The following EPB42 variants were observed in gnomAD, a reference collection of about 807,000 sequenced individuals.
EPB42 encodes erythrocyte membrane protein band 4.2, also known as protein 4.2.
A neutral mutation model predicts 76.9 loss-of-function variants in EPB42; 49 were observed. That is an observed-to-expected ratio of 0.64 (90% CI 0.51 to 0.81). The LOEUF (loss-of-function observed/expected upper bound fraction) is 0.81. Ranked by LOEUF, EPB42 falls within the 30% of genes least tolerant of loss-of-function variation. The probability of loss-of-function intolerance (pLI) is 0.00; values close to 1 mark genes in which losing one functional copy is unlikely to be tolerated. For missense variants in EPB42, 731 were observed against 867.6 expected (o/e 0.84, Z 1.98); for synonymous variants, 310 against 338.4 (o/e 0.92, Z 0.92).
chr15:43,201,907 G>T lies in EPB42; in HGVS notation c.1850C>A (p.Pro617His). 1 of 1,614,136 alleles carries T rather than the reference G, an allele frequency of 6.2e-7. No homozygotes were observed. The highest frequency in any genetic ancestry group is 8.5e-7 in the Non-Finnish European group (1 of 1,180,002). The change falls in exon 12 of 13, where the codon CCC (proline) becomes CAC (histidine). Residue 617 changes from proline (P) to histidine (H), a missense_variant. By Grantham distance (77) the Pro-to-His change is moderately conservative. Transcript: ENST00000441366. ...GATGGAGATCACACAGTCCTCCATGGGGGCATCTAGGGAGTTCTGGAGGCT... is the reference window on the plus strand; with the variant it reads ...GATGGAGATCACACAGTCCTCCATGTGGGCATCTAGGGAGTTCTGGAGGCT... ...SVSLQNSLDAPMEDCVISILG... is the reference protein window; with the variant it reads ...SVSLQNSLDAHMEDCVISILG...
At chr15:43,199,584 T>C (rs2042097029) in intron 12 of EPB42, among the ~76,000 whole-genome samples, 1 of 152,134 alleles carries the variant, frequency 6.6e-6, no homozygotes, top group African/African-American at 2.4e-5. Context: ...TTGTGGACTT[T>C]TGGATTAATG....
upstream of EPB42, chr15:43,221,059 G>T: frequency 3.8e-6 from 2 of 528,594 alleles, no homozygotes; most frequent in Admixed American, 3.1e-5. Flanking sequence ...GTTACTGGGA[G>T]TAACCCTGTT....
At chr15:43,204,736 T>C (rs2042174388) in intron 10 of EPB42, among the ~76,000 whole-genome samples, 1 of 152,202 alleles carries the variant, frequency 6.6e-6, no homozygotes, top group African/African-American at 2.4e-5. Flanking sequence ...CCTTGATTTC[T>C]TGACTTGATG....
chr15:43,215,816 C>T (rs2042369701), intron 2 of EPB42, among the ~76,000 whole-genome samples: 1 of 152,216 alleles, frequency 6.6e-6, no homozygotes, highest in Non-Finnish European at 1.5e-5. Context: ...ACTGCCTCAG[C>T]CTCCCCAGTA....
At chr15:43,204,159 C>T (rs2042166790) in intron 10 of EPB42, among the ~76,000 whole-genome samples, 1 of 152,156 alleles carries the variant, frequency 6.6e-6, no homozygotes, top group Admixed American at 6.5e-5. Context: ...TTTGTCTCAC[C>T]TTCCCAACGC....
upstream of EPB42, chr15:43,221,037 T>A: frequency 1.7e-6 from 1 of 597,058 alleles, no homozygotes; most frequent in Non-Finnish European, 3.0e-6. Flanking sequence ...TCTGCTGGTA[T>A]CTCCTGGACC....
upstream of EPB42, among the ~76,000 whole-genome samples, chr15:43,224,385 A>G (rs1387026179): frequency 6.6e-6 from 1 of 152,206 alleles, no homozygotes; most frequent in African/African-American, 2.4e-5. Flanking sequence ...TTCAGTCCAG[A>G]ACAAAGGGAA....
At chr15:43,207,861 G>A (rs1003526177) in intron 8 of EPB42, among the ~76,000 whole-genome samples, 2 of 152,038 alleles carry the variant, frequency 1.3e-5, no homozygotes, top group African/African-American at 4.8e-5. Flanking sequence ...TCCTTTTCTG[G>A]GCTTGAGCCT....
intron 1 of EPB42, among the ~76,000 whole-genome samples, chr15:43,220,138 G>C (rs1412051987): frequency 6.6e-6 from 1 of 151,970 alleles, no homozygotes; most frequent in African/African-American, 2.4e-5. Context: ...CAGAACCACA[G>C]CTGCACCCCA....
At chr15:43,211,267 G>T in intron 4 of EPB42, 149 bp downstream of exon 4, 1 of 744,988 alleles carries the variant, frequency 1.3e-6, no homozygotes. Context: ...ATATGGCCCA[G>T]AGGAAGGAGA....
rs367695497 is a variant in EPB42, at chr15:43,208,246, A to G, written c.1059T>C (p.Ala353=). 7.4e-6 allele frequency: 12 copies of G among 1,613,908 alleles called. No homozygotes were observed. The African/African-American group carries it at 1.5e-4, about 20-fold the overall frequency. ...YDGWQILHPS[A]PNGGGVLGSC... is the part of the protein sequence containing the mutation. ...AGGCTTTACCTCCACCTCCATTAGG[A>G]GCACTTGGGTGCAGAATCTGCCATC... Residue 353 remains alanine, a synonymous_variant, in exon 8 of 13, where the codon GCT becomes GCC. Transcript: ENST00000441366.
At chr15:43,211,562 C>T in intron 3 of EPB42, 28 bp from the exon 4 acceptor site, 1 of 1,467,656 alleles carries the variant, frequency 6.8e-7, no homozygotes, top group Non-Finnish European at 9.6e-7. Flanking sequence ...GGGATGAGGG[C>T]CTGTGGGGGT....
chr15:43,210,938 T>C (rs1165445510), intron 4 of EPB42, among the ~76,000 whole-genome samples: 1 of 152,068 alleles, frequency 6.6e-6, no homozygotes, highest in Non-Finnish European at 1.5e-5. Flanking sequence ...AGCAGCACAG[T>C]GGAGAGGCTC....
chr15:43,207,552 C>T (rs2042224954), intron 8 of EPB42, 111 bp from the exon 9 acceptor site: 1 of 1,552,680 alleles, frequency 6.4e-7, no homozygotes, highest in Admixed American at 1.8e-5. Context: ...TCCACGAGGA[C>T]CAAGGTCAGA....
intron 3 of EPB42, among the ~76,000 whole-genome samples, chr15:43,213,984 C>T (rs1482932697): frequency 6.6e-6 from 1 of 152,218 alleles, no homozygotes; most frequent in Non-Finnish European, 1.5e-5. Context: ...TGGGAAGGTT[C>T]TTCCACCTCC....
chr15:43,202,124 C>G (rs1596403336), intron 11 of EPB42, 147 bp from the exon 12 acceptor site: 1 of 1,103,284 alleles, frequency 9.1e-7, no homozygotes, highest in East Asian at 2.5e-5. Context: ...TTCTACCGCT[C>G]TACCTGCTCT....
At chr15:43,216,684 A>G (rs2042384049) in intron 1 of EPB42, among the ~76,000 whole-genome samples, 1 of 152,202 alleles carries the variant, frequency 6.6e-6, no homozygotes. Context: ...CAATACATTT[A>G]GCCGTGTCAG....
chr15:43,209,255 A>G lies in EPB42; in HGVS notation c.832+19T>C, dbSNP rs541690885. 1.2e-6 allele frequency: 2 copies of G among 1,613,882 alleles called. No homozygotes were observed. The highest frequency in any genetic ancestry group is 2.2e-5 in the East Asian group (1 of 44,880). On this transcript the variant is annotated intron_variant, in intron 6 of 12. Transcript: ENST00000441366. ...CAACCCAGGAGGCAGGGCACTCTAC[A>G]GGAGACAAGGGGACCAACCTGTGCA...
intron 12 of EPB42, among the ~76,000 whole-genome samples, chr15:43,201,636 C>T (rs2042127483): frequency 6.6e-6 from 1 of 152,220 alleles, no homozygotes; most frequent in Non-Finnish European, 1.5e-5. Flanking sequence ...GCCCAAGGGG[C>T]CCGCACAGCC....
Sources: gnomAD v4.1 joint callset for allele counts (sites outside exome capture counted in the v4.1 genomes callset) on GRCh38, gnomAD v4.1.1 for gene constraint, MANE v1.5 for transcripts, NCBI Gene and HGNC (gene_info 2026-07-23, HGNC 2026-07-21) for gene names.